The following STXBP4 variants were observed in gnomAD, a reference collection of about 807,000 sequenced individuals.
STXBP4 encodes the protein syntaxin-binding protein 4.
Under a neutral mutation model 76.1 loss-of-function variants are expected in STXBP4, and 55 were observed. The observed-to-expected ratio is 0.72, with a 90% CI of 0.58 to 0.91. STXBP4 has a LOEUF of 0.91. Ranked by LOEUF, STXBP4 falls within the 40% of genes least tolerant of loss-of-function variation. The pLI is 0.00. For missense variants in STXBP4, 618 were observed against 636.9 expected (o/e 0.97, Z 0.32); for synonymous variants, 201 against 220.2 (o/e 0.91, Z 0.77).
At chr17:55,207,160 G>A in the STXBP4 span, among the ~76,000 whole-genome samples, 2 of 152,036 alleles carry the variant, frequency 1.3e-5, no homozygotes, top group African/African-American at 2.4e-5. Flanking sequence ...TACGCATGAC[G>A]CTCACACATT....
the STXBP4 span, among the ~76,000 whole-genome samples, chr17:55,198,839 T>A: frequency 6.6e-6 from 1 of 152,186 alleles, no homozygotes; most frequent in African/African-American, 2.4e-5. Flanking sequence ...ATCCAAGACA[T>A]GAACTGCAAG....
At chr17:54,987,964 A>G (rs1313610294) in intron 3 of STXBP4, among the ~76,000 whole-genome samples, 1 of 152,208 alleles carries the variant, frequency 6.6e-6, no homozygotes, top group Non-Finnish European at 1.5e-5. Flanking sequence ...GTTGAGCAGA[A>G]CTATTTTTAA....
chr17:55,027,767 A>G (rs1229511637), intron 8 of STXBP4, among the ~76,000 whole-genome samples: 1 of 152,208 alleles, frequency 6.6e-6, no homozygotes, highest in African/African-American at 2.4e-5. Flanking sequence ...AGAATGATAA[A>G]GAAGAAATCA....
chr17:55,032,168 C>A (rs2078520299), intron 9 of STXBP4, among the ~76,000 whole-genome samples: 1 of 151,988 alleles, frequency 6.6e-6, no homozygotes, highest in Non-Finnish European at 1.5e-5. Flanking sequence ...CACTTTTTGT[C>A]TTCTTGTCAC....
the STXBP4 span, among the ~76,000 whole-genome samples, chr17:55,207,349 CCAGTCT>C: frequency 6.6e-6 from 1 of 152,140 alleles, no homozygotes; most frequent in South Asian, 2.1e-4. Context: ...ATATAACCCT[CCAGTCT>C]CAGTCCACCT....
At chr17:54,991,054 T>C in intron 4 of STXBP4, 97 bp downstream of exon 4, 1 of 1,323,552 alleles carries the variant, frequency 7.6e-7, no homozygotes, top group Non-Finnish European at 9.9e-7. Flanking sequence ...TTATATCCAC[T>C]GTGACCATAC....
intron 16 of STXBP4, among the ~76,000 whole-genome samples, chr17:55,119,697 C>T (rs1447641078): frequency 6.6e-6 from 1 of 151,890 alleles, no homozygotes; most frequent in African/African-American, 2.4e-5. Flanking sequence ...TATCCATAAG[C>T]ATATGACACT....
chr17:55,006,645 A>AGAAG (rs2078012665), intron 7 of STXBP4, among the ~76,000 whole-genome samples: 1 of 152,154 alleles, frequency 6.6e-6, no homozygotes. Context: ...GATGTAGAAA[A>AGAAG]ATGGGTAAGA....
intron 9 of STXBP4, among the ~76,000 whole-genome samples, chr17:55,033,337 G>A (rs1313675983): frequency 6.6e-6 from 1 of 152,014 alleles, no homozygotes; most frequent in Non-Finnish European, 1.5e-5. Flanking sequence ...TCGTGCCACT[G>A]CACTCCAGCC....
intron 10 of STXBP4, among the ~76,000 whole-genome samples, chr17:55,038,472 A>G (rs565759607): frequency 2.0e-4 from 31 of 152,234 alleles, no homozygotes; most frequent in South Asian, 6.2e-4. Flanking sequence ...TTGAGATGCT[A>G]TCTTTTAAGT....
chr17:55,211,265 A>C, the STXBP4 span, among the ~76,000 whole-genome samples: 1 of 151,990 alleles, frequency 6.6e-6, no homozygotes, highest in Non-Finnish European at 1.5e-5. Flanking sequence ...TTTTAGATGG[A>C]GTCTCGCTCT....
intron 8 of STXBP4, among the ~76,000 whole-genome samples, chr17:55,009,065 GAAATTAT>G (rs2078057922): frequency 6.6e-6 from 1 of 152,080 alleles, no homozygotes; most frequent in African/African-American, 2.4e-5. Flanking sequence ...TTTTATCAAT[GAAATTAT>G]AAGTGTCTTC....
chr17:55,006,684 C>T (rs1195953100), intron 7 of STXBP4, among the ~76,000 whole-genome samples: 1 of 152,122 alleles, frequency 6.6e-6, no homozygotes, highest in African/African-American at 2.4e-5. Context: ...CTTGCAAATT[C>T]ATTTATGCTA....
At chr17:55,011,464 A>G (rs1440660011) in intron 8 of STXBP4, among the ~76,000 whole-genome samples, 2 of 143,966 alleles carry the variant, frequency 1.4e-5, no homozygotes, top group African/African-American at 5.2e-5. Flanking sequence ...AAAAATTTTC[A>G]GTTAATTTAA....
At chr17:55,037,384 C>T (rs1309356473) in intron 10 of STXBP4, among the ~76,000 whole-genome samples, 3 of 152,060 alleles carry the variant, frequency 2.0e-5, no homozygotes, top group Non-Finnish European at 2.9e-5. Flanking sequence ...TCTTTTTTAG[C>T]AGCTGCAGAT....
chr17:55,034,758 C>G (rs1306728717), intron 10 of STXBP4, among the ~76,000 whole-genome samples: 2 of 152,018 alleles, frequency 1.3e-5, no homozygotes, highest in Non-Finnish European at 2.9e-5. Flanking sequence ...TAGTAACACC[C>G]CTGTACCCCC....
At chr17:55,158,470 T>C (rs577356282) in intron 17 of STXBP4, among the ~76,000 whole-genome samples, 4 of 152,006 alleles carry the variant, frequency 2.6e-5, no homozygotes, top group African/African-American at 9.6e-5. Context: ...CTAGAAAGAG[T>C]GTCCAAGGAG....
At chr17:55,208,025 T>C in the STXBP4 span, among the ~76,000 whole-genome samples, 1 of 151,120 alleles carries the variant, frequency 6.6e-6, no homozygotes, top group African/African-American at 2.4e-5. Flanking sequence ...AAAATATTGA[T>C]AAATGCTGGC....
intron 16 of STXBP4, among the ~76,000 whole-genome samples, chr17:55,087,484 CAGTACCG>C (rs1261511174): frequency 6.6e-6 from 1 of 152,046 alleles, no homozygotes; most frequent in Non-Finnish European, 1.5e-5. Flanking sequence ...CCAGTTTTTC[CAGTACCG>C]TTTGTTGAAG....
Sources: gnomAD v4.1 joint callset for allele counts (sites outside exome capture counted in the v4.1 genomes callset) on GRCh38, gnomAD v4.1.1 for gene constraint, MANE v1.5 for transcripts, NCBI Gene and HGNC (gene_info 2026-07-23, HGNC 2026-07-21) for gene names.